Variants in ANO2 observed in about 807,000 individuals in gnomAD.
ANO2 encodes anoctamin-2.
In ANO2, 101 loss-of-function variants were observed where a neutral mutation model predicts 124.2. The observed-to-expected ratio is 0.81, with a 90% CI of 0.69 to 0.96. The LOEUF is 0.96. ANO2 is among the 40% of genes least tolerant of loss of function. The pLI is 0.00. For synonymous variants in ANO2, 486 were observed against 482.5 expected (o/e 1.01, Z -0.09); for missense variants, 1,293 against 1,274.5 (o/e 1.01, Z -0.22).
At chr12:5,612,115 A>G (rs1944572485) in intron 19 of ANO2, among the ~76,000 whole-genome samples, 1 of 152,192 alleles carries the variant, frequency 6.6e-6, no homozygotes, top group African/African-American at 2.4e-5. Flanking sequence ...GTTTATTTTC[A>G]TGACTATCTA....
intron 17 of ANO2, among the ~76,000 whole-genome samples, chr12:5,614,579 T>A (rs1433047715): frequency 6.6e-6 from 1 of 152,220 alleles, no homozygotes; most frequent in Non-Finnish European, 1.5e-5. Context: ...GCTCTATATG[T>A]CTCTTCCATT....
At chr12:5,703,546 AT>A (rs1350826059) in intron 14 of ANO2, among the ~76,000 whole-genome samples, 1 of 151,618 alleles carries the variant, frequency 6.6e-6, no homozygotes, top group Non-Finnish European at 1.5e-5. Context: ...TTTTATTTTT[AT>A]TTTTTTTGAG....
chr12:5,762,211 A>G (rs1006384348), intron 10 of ANO2, among the ~76,000 whole-genome samples: 12 of 152,034 alleles, frequency 7.9e-5, no homozygotes, highest in African/African-American at 2.9e-4. Context: ...AAGTGAAGTA[A>G]AATACTGAAA....
At chr12:5,915,963 C>A (rs1342469425) in intron 3 of ANO2, among the ~76,000 whole-genome samples, 1 of 152,080 alleles carries the variant, frequency 6.6e-6, no homozygotes, top group Non-Finnish European at 1.5e-5. Context: ...GTGGTGGCTG[C>A]AAACTGCTCA....
intron 14 of ANO2, among the ~76,000 whole-genome samples, chr12:5,673,546 C>T (rs918244868): frequency 6.6e-6 from 1 of 152,150 alleles, no homozygotes; most frequent in African/African-American, 2.4e-5. Context: ...AATAAAATGG[C>T]CTAACTGTAC....
chr12:5,718,116 C>G (rs80136602), intron 14 of ANO2, among the ~76,000 whole-genome samples: 1 of 152,228 alleles, frequency 6.6e-6, no homozygotes, highest in African/African-American at 2.4e-5. Context: ...AAAAAGCCAA[C>G]ATGTCTAAAT....
chr12:5,704,298 G>A (rs963733937), intron 14 of ANO2, among the ~76,000 whole-genome samples: 4 of 152,144 alleles, frequency 2.6e-5, no homozygotes, highest in South Asian at 4.1e-4. Flanking sequence ...CATCCACCCC[G>A]CCCATGTGGC....
chr12:5,626,432 G>A (rs1414293564), intron 16 of ANO2, among the ~76,000 whole-genome samples: 1 of 152,128 alleles, frequency 6.6e-6, no homozygotes, highest in Non-Finnish European at 1.5e-5. Context: ...AGCCCATGCT[G>A]TCCAGGCCTG....
At chr12:5,756,650 A>T (rs1031545656) in intron 10 of ANO2, among the ~76,000 whole-genome samples, 1 of 152,176 alleles carries the variant, frequency 6.6e-6, no homozygotes, top group African/African-American at 2.4e-5. Context: ...CTGTTGCCAG[A>T]GTCTGTGGGT....
At chr12:5,700,532 T>A (rs1949360772) in intron 14 of ANO2, among the ~76,000 whole-genome samples, 2 of 151,928 alleles carry the variant, frequency 1.3e-5, no homozygotes. Context: ...TTAAAAGAAC[T>A]AGAGAAGCAA....
At chr12:5,889,318 G>C (rs1453143893) in intron 3 of ANO2, among the ~76,000 whole-genome samples, 1 of 152,264 alleles carries the variant, frequency 6.6e-6, no homozygotes, top group African/African-American at 2.4e-5. Flanking sequence ...CAGGCTGAAG[G>C]GCTCTTCAAG....
Position 5,647,237 on chromosome 12 carries a change from C to T in ANO2, c.1620+490G>A, listed in dbSNP as rs189221113. ...TCAAATACGAATCACAGGGTTTTCC[C>T]TGAGCTTTCCCTGACGCAGCTGAGA... On this transcript the variant is annotated intron_variant, in intron 15 of 24. Transcript: ENST00000682330. Among the ~76,000 whole-genome samples the T allele has an allele frequency of 2.6e-5, 4 of 152,310 alleles. No homozygotes were observed. In the East Asian group the frequency reaches 7.7e-4, roughly 29 times the overall value.
intron 14 of ANO2, among the ~76,000 whole-genome samples, chr12:5,731,774 G>A (rs1288075009): frequency 2.6e-5 from 4 of 152,086 alleles, no homozygotes; most frequent in Admixed American, 6.6e-5. Context: ...TGAGAGACAT[G>A]ACTCAGAGGA....
chr12:5,702,531 A>C (rs1949443990), intron 14 of ANO2, among the ~76,000 whole-genome samples: 1 of 151,804 alleles, frequency 6.6e-6, no homozygotes, highest in Non-Finnish European at 1.5e-5. Context: ...TGGCCAACAA[A>C]CATGGAGAAA....
At chr12:5,627,692 A>AT (rs1374676668) in intron 16 of ANO2, among the ~76,000 whole-genome samples, 2 of 152,200 alleles carry the variant, frequency 1.3e-5, no homozygotes, top group South Asian at 2.1e-4. Flanking sequence ...TGTGACACTG[A>AT]TTTTTCCCCC....
At chr12:5,693,645 G>C (rs183941687) in intron 14 of ANO2, among the ~76,000 whole-genome samples, 105 of 152,216 alleles carry the variant, frequency 6.9e-4, no homozygotes, top group Admixed American at 6.7e-3. Context: ...AAAATATCCA[G>C]AGACCCCCTC....
In ANO2 at chr12:5,923,092, ACG is replaced by A. The variant is rs1491246524; in HGVS notation, c.23-290_23-289del. 1.7e-3 allele frequency among the ~76,000 whole-genome samples: 18 copies of A among 10,734 alleles called. 1 individual carries two copies. The highest frequency in any genetic ancestry group is 6.2e-3 in the Admixed American group (4 of 644). The allele number at this position is 10,734 out of a possible 152,430, so 7.0% of individuals were successfully genotyped here. A position where few individuals can be genotyped will look rare whatever the true frequency, so the allele number is the denominator to read the frequency against. ...CACACATGCACACATACACACACAC[ACG>A]CACACACATACACACACATGCACGC... On this transcript the variant is annotated intron_variant, in intron 1 of 24. Coordinates refer to ENST00000682330, the MANE Select transcript of ANO2 (RefSeq NM_001364791.2).
intron 10 of ANO2, among the ~76,000 whole-genome samples, chr12:5,796,123 TCTCACACACACA>T (rs766100495): frequency 4.5e-4 from 68 of 151,862 alleles, no homozygotes; most frequent in Non-Finnish European, 8.4e-4. Flanking sequence ...TCCAGAGAGC[TCTCACACACACA>T]CTCACACACA....
intron 14 of ANO2, among the ~76,000 whole-genome samples, chr12:5,667,917 T>A (rs1321619389): frequency 6.6e-6 from 1 of 152,246 alleles, no homozygotes; most frequent in African/African-American, 2.4e-5. Context: ...TATTCCATGG[T>A]ATATATGTAC....
Sources: gnomAD v4.1 joint callset for allele counts (sites outside exome capture counted in the v4.1 genomes callset) on GRCh38, gnomAD v4.1.1 for gene constraint, MANE v1.5 for transcripts, NCBI Gene and HGNC (gene_info 2026-07-23, HGNC 2026-07-21) for gene names.